Variants in SND1 observed in about 807,000 individuals in gnomAD.
SND1 encodes the protein staphylococcal nuclease and tudor domain containing 1, also known as staphylococcal nuclease domain-containing protein 1.
SND1 carries 38 observed loss-of-function variants against 121.7 expected under a neutral mutation model. The ratio of observed to expected loss-of-function variants is 0.31; its 90% confidence interval spans 0.24 to 0.41. The LOEUF is 0.41. Ranked by LOEUF, SND1 falls within the 10% of genes least tolerant of loss-of-function variation. The pLI, the probability that SND1 is intolerant of heterozygous loss-of-function variation, is 1.00. For missense variants in SND1, 868 were observed against 1,184.6 expected (o/e 0.73, Z 3.92); for synonymous variants, 401 against 447.4 (o/e 0.90, Z 1.31).
chr7:127,752,029 T>C (rs1248294863), intron 10 of SND1, among the ~76,000 whole-genome samples: 2 of 152,260 alleles, frequency 1.3e-5, no homozygotes, highest in East Asian at 1.9e-4. Flanking sequence ...GAATATCTGA[T>C]CGATGGGGCC....
At chr7:128,060,836 A>G (rs1368902606) in intron 16 of SND1, among the ~76,000 whole-genome samples, 1 of 152,196 alleles carries the variant, frequency 6.6e-6, no homozygotes, top group East Asian at 1.9e-4. Context: ...CTCCAAAGTC[A>G]AAGAGATTCT....
chr7:127,840,947 T>C (rs2116641534), intron 11 of SND1, among the ~76,000 whole-genome samples: 1 of 152,352 alleles, frequency 6.6e-6, no homozygotes, highest in Non-Finnish European at 1.5e-5. Flanking sequence ...GGCAGGTGAA[T>C]GTAGTTGTTT....
At chr7:127,683,307 C>A (rs1374102460) in intron 1 of SND1, among the ~76,000 whole-genome samples, 2 of 152,102 alleles carry the variant, frequency 1.3e-5, no homozygotes, top group Non-Finnish European at 2.9e-5. Context: ...CCTTGACCTC[C>A]CAGGCTCAAG....
chr7:127,742,467 C>T lies in SND1; in HGVS notation c.1152+21067C>T, dbSNP rs1796899308. On this transcript the variant is annotated intron_variant, in intron 10 of 23. Coordinates refer to ENST00000354725, the MANE Select transcript of SND1 (RefSeq NM_014390.4). Reference sequence around the variant, plus strand: ...GAATTATTATTCCAGATCCACTGAACCCTACTCACCTTCGTTTTTCCTGCA... The same window carrying T: ...GAATTATTATTCCAGATCCACTGAATCCTACTCACCTTCGTTTTTCCTGCA... 2.6e-5 allele frequency among the ~76,000 whole-genome samples: 4 copies of T among 152,036 alleles called. No homozygotes were observed. The South Asian group carries it at 8.3e-4, about 32-fold the overall frequency.
At chr7:127,971,929 C>T (rs373242141) in intron 15 of SND1, among the ~76,000 whole-genome samples, 8 of 151,836 alleles carry the variant, frequency 5.3e-5, no homozygotes, top group South Asian at 2.1e-4. Flanking sequence ...CATGCCACCA[C>T]GCCCAGCTAA....
At chr7:128,030,239 C>A in intron 16 of SND1, 1 of 1,614,222 alleles carries the variant, frequency 6.2e-7, no homozygotes, top group Middle Eastern at 1.6e-4. Context: ...TGACTGTCAG[C>A]CAGTTGTCGA....
intron 1 of SND1, among the ~76,000 whole-genome samples, chr7:127,665,507 A>T (rs1795401188): frequency 1.3e-5 from 2 of 152,228 alleles, no homozygotes; most frequent in African/African-American, 2.4e-5. Context: ...AATTTTTAAA[A>T]TTTAAATAAT....
chr7:127,772,752 A>G (rs1797537814), intron 10 of SND1, among the ~76,000 whole-genome samples: 1 of 152,094 alleles, frequency 6.6e-6, no homozygotes, highest in Non-Finnish European at 1.5e-5. Context: ...TCCAGCTACT[A>G]TCTTGCAAGC....
Position 128,029,318 on chromosome 7 carries a change from C to A in SND1, c.1779+38262C>A. The A allele has an allele frequency of 6.2e-7, 1 of 1,614,146 alleles. No homozygotes were observed. The highest frequency in any genetic ancestry group is 8.5e-7 in the Non-Finnish European group (1 of 1,180,034). On this transcript the variant is annotated intron_variant, in intron 16 of 23. Coordinates refer to ENST00000354725, the MANE Select transcript of SND1 (RefSeq NM_014390.4). The surrounding 1 kb of genome is among the most constrained non-coding windows in gnomAD (Gnocchi z 4.2). ...TGGAGGTGTTAAGCTCAGCCGTGCT[C>A]ACATTGAGGTAGGCCGAGGCGTTGG... is the stretch of plus-strand genomic sequence containing the variant.
At chr7:127,913,773 C>G (rs1800509881) in intron 14 of SND1, among the ~76,000 whole-genome samples, 1 of 152,210 alleles carries the variant, frequency 6.6e-6, no homozygotes, top group Non-Finnish European at 1.5e-5. Flanking sequence ...CAGATTCACT[C>G]TCCACTTTAC....
intron 2 of SND1, among the ~76,000 whole-genome samples, chr7:127,688,768 A>G (rs972261036): frequency 8.6e-5 from 13 of 151,644 alleles, no homozygotes; most frequent in African/African-American, 3.1e-4. Context: ...GATTCCAATT[A>G]TTTGTTCTTT....
At chr7:127,835,724 T>A (rs942063132) in intron 11 of SND1, among the ~76,000 whole-genome samples, 6 of 152,104 alleles carry the variant, frequency 3.9e-5, no homozygotes, top group African/African-American at 1.2e-4. Flanking sequence ...TCCTGGAGAA[T>A]CGAGATTTAA....
At chr7:127,946,675 A>G (rs1801336802) in intron 15 of SND1, among the ~76,000 whole-genome samples, 2 of 152,214 alleles carry the variant, frequency 1.3e-5, no homozygotes, top group Admixed American at 6.5e-5. Context: ...GATTTCCTGG[A>G]CTGTTGCATC....
At chr7:127,726,977 A>G (rs1180689381) in intron 10 of SND1, among the ~76,000 whole-genome samples, 1 of 152,156 alleles carries the variant, frequency 6.6e-6, no homozygotes, top group Non-Finnish European at 1.5e-5. Flanking sequence ...TTGGGAAGGA[A>G]GTGTGGAAAC....
chr7:127,807,838 C>T lies in SND1; in HGVS notation c.1242+265C>T, dbSNP rs528853055. Among the ~76,000 whole-genome samples the T allele has an allele frequency of 1.1e-4, 17 of 152,272 alleles. No individual in the cohort carries two copies. In the South Asian group the frequency reaches 2.5e-3, roughly 22 times the overall value. On this transcript the variant is annotated intron_variant, in intron 11 of 23. Coordinates refer to ENST00000354725, the MANE Select transcript of SND1 (RefSeq NM_014390.4). Reference sequence around the variant, plus strand: ...GGCTCAACTCCAGTTTTAATAATTGCATATTGCCCTGAGCTCCATTCAGTT... The same window carrying T: ...GGCTCAACTCCAGTTTTAATAATTGTATATTGCCCTGAGCTCCATTCAGTT...
intron 21 of SND1, 123 bp from the exon 22 acceptor site, chr7:128,089,366 G>T: frequency 1.0e-6 from 1 of 953,334 alleles, no homozygotes. Context: ...CCTCACTAGG[G>T]TTCTCTGGGG....
intron 16 of SND1, among the ~76,000 whole-genome samples, chr7:128,068,588 C>T (rs1584771589): frequency 3.3e-5 from 5 of 152,298 alleles, no homozygotes; most frequent in Admixed American, 3.3e-4. Flanking sequence ...TTTCTGGAGC[C>T]CAGGGCACTG....
chr7:127,906,212 T>C (rs147109338), intron 14 of SND1, among the ~76,000 whole-genome samples: 3 of 152,326 alleles, frequency 2.0e-5, no homozygotes, highest in East Asian at 3.9e-4. Flanking sequence ...TAAAGTGATA[T>C]GCACTTTTTG....
chr7:127,879,405 C>T (rs1799749905), intron 12 of SND1, among the ~76,000 whole-genome samples: 1 of 152,014 alleles, frequency 6.6e-6, no homozygotes, highest in African/African-American at 2.4e-5. Flanking sequence ...GATAGGTAGC[C>T]CACATCCTCC....
Sources: allele counts gnomAD v4.1 joint callset (sites outside exome capture counted in the v4.1 genomes callset), GRCh38; gene constraint gnomAD v4.1.1; non-coding constraint Gnocchi (gnomAD v3.1); transcripts MANE v1.5; gene names NCBI Gene and HGNC (gene_info 2026-07-23, HGNC 2026-07-21).